Variants in CADM2 observed in about 807,000 individuals in gnomAD.
CADM2 encodes cell adhesion molecule 2.
CADM2 carries 12 observed loss-of-function variants against 49.8 expected under a neutral mutation model. The ratio of observed to expected loss-of-function variants is 0.24; its 90% confidence interval spans 0.15 to 0.39. CADM2 has a LOEUF of 0.39. Among genes scored for constraint, CADM2 ranks in the 10% least tolerant of loss-of-function variants. The pLI, the probability that CADM2 is intolerant of heterozygous loss-of-function variation, is 1.00. For synonymous variants in CADM2, 214 were observed against 175.4 expected (o/e 1.22, Z -1.74); for missense variants, 378 against 492.3 (o/e 0.77, Z 2.20).
rs957879658 is a variant in CADM2 at position 86,062,966 on chromosome 3, C to T, written c.971-2639C>T. ...TCATTTAGTTGTCTAGAACACAAATCACTTTGTTTAATCAACTGTAACAGA... is the reference window on the plus strand; with the variant it reads ...TCATTTAGTTGTCTAGAACACAAATTACTTTGTTTAATCAACTGTAACAGA... On this transcript the variant is annotated intron_variant, in intron 8 of 9. Transcript: ENST00000383699. Among the ~76,000 whole-genome samples, 4 of 152,010 alleles carry T rather than the reference C, an allele frequency of 2.6e-5. No homozygotes were observed. The East Asian group carries it at 7.7e-4, about 29-fold the overall frequency.
At chr3:85,798,776 T>C (rs910672391) in intron 2 of CADM2, among the ~76,000 whole-genome samples, 1 of 152,194 alleles carries the variant, frequency 6.6e-6, no homozygotes, top group African/African-American at 2.4e-5. Flanking sequence ...CCATATGAAA[T>C]TTAAAGTAGT....
chr3:85,244,910 AT>A (rs996429640), intron 1 of CADM2, among the ~76,000 whole-genome samples: 5 of 152,136 alleles, frequency 3.3e-5, no homozygotes, highest in African/African-American at 9.7e-5. Context: ...AAATTGTTTG[AT>A]TTTTTTCCAC....
intron 1 of CADM2, among the ~76,000 whole-genome samples, chr3:85,402,044 C>A (rs62250661): frequency 0.39 from 58,505 of 151,958 alleles, 13,565 homozygotes; most frequent in East Asian, 0.75. Context: ...TACTATAATT[C>A]ATAGAAATAC....
At chr3:85,943,419 G>T (rs976018066) in intron 7 of CADM2, among the ~76,000 whole-genome samples, 2 of 146,658 alleles carry the variant, frequency 1.4e-5, no homozygotes, top group Admixed American at 6.9e-5. Flanking sequence ...CCATGCCTAT[G>T]TCCTGAATGG....
chr3:84,964,618 C>G (rs1161934747), intron 1 of CADM2, among the ~76,000 whole-genome samples: 1 of 152,120 alleles, frequency 6.6e-6, no homozygotes, highest in Non-Finnish European at 1.5e-5. Flanking sequence ...GAGGCCGACT[C>G]AAAACTGAAG....
At chr3:85,555,071 A>G (rs200249938) in intron 1 of CADM2, among the ~76,000 whole-genome samples, 9 of 41,918 alleles carry the variant, frequency 2.1e-4, no homozygotes, top group African/African-American at 3.5e-4. Flanking sequence ...GTGATCTAGG[A>G]AAAAAAAATC....
At chr3:85,290,345 C>G (rs568586525) in intron 1 of CADM2, among the ~76,000 whole-genome samples, 1 of 152,140 alleles carries the variant, frequency 6.6e-6, no homozygotes, top group Non-Finnish European at 1.5e-5. Flanking sequence ...ACTGCAAGGC[C>G]GCAGCAAGGC....
At chr3:85,158,404 C>T (rs965570614) in intron 1 of CADM2, among the ~76,000 whole-genome samples, 10 of 152,120 alleles carry the variant, frequency 6.6e-5, no homozygotes, top group South Asian at 2.1e-4. Context: ...ATGTTTACTG[C>T]GGCAGTATTC....
intron 1 of CADM2, among the ~76,000 whole-genome samples, chr3:85,397,236 A>G (rs140277680): frequency 6.6e-6 from 1 of 152,322 alleles, no homozygotes; most frequent in African/African-American, 2.4e-5. Flanking sequence ...GAAGGCTATT[A>G]TATAAAAGGA....
chr3:85,716,646 C>A (rs750912230), intron 1 of CADM2, among the ~76,000 whole-genome samples: 2 of 152,276 alleles, frequency 1.3e-5, no homozygotes, highest in African/African-American at 2.4e-5. Flanking sequence ...ACATTTAAAT[C>A]TTTAATCCAT....
intron 1 of CADM2, among the ~76,000 whole-genome samples, chr3:85,468,169 A>C (rs2038598297): frequency 6.6e-6 from 1 of 151,252 alleles, no homozygotes; most frequent in Non-Finnish European, 1.5e-5. Flanking sequence ...AAAAAAAAAA[A>C]AAAAAAAAAA....
intron 1 of CADM2, among the ~76,000 whole-genome samples, chr3:85,651,143 G>C (rs1298636406): frequency 6.6e-6 from 1 of 151,944 alleles, no homozygotes; most frequent in African/African-American, 2.4e-5. Flanking sequence ...AACTGCCATA[G>C]CTTGAGTGTA....
chr3:85,095,325 A>G (rs2037753472), intron 1 of CADM2, among the ~76,000 whole-genome samples: 1 of 152,120 alleles, frequency 6.6e-6, no homozygotes, highest in African/African-American at 2.4e-5. Flanking sequence ...TCAAGTATGT[A>G]TCTCATGAGG....
chr3:85,655,459 C>T (rs897419234), intron 1 of CADM2, among the ~76,000 whole-genome samples: 6 of 151,980 alleles, frequency 3.9e-5, no homozygotes, highest in African/African-American at 1.4e-4. Flanking sequence ...ATGCCCAGCC[C>T]CGCTTGGTAA....
rs1739723949 is a variant in CADM2 at position 86,070,079 on chromosome 3, T to A, written c.*3296T>A. ...AGAAGCAGTTTAAGGAACCTGATAT[T>A]GGAGTTTAATCTAGAAACTGGATGA... On this transcript the variant is annotated 3_prime_UTR_variant, in exon 10 of 10. Transcript: ENST00000383699. The A allele has an allele frequency of 6.6e-6, 1 of 151,990 alleles. No homozygotes were observed. The allele number at this position is 151,990 out of a possible 1,614,324, so 9.4% of individuals were successfully genotyped here. A position where few individuals can be genotyped will look rare whatever the true frequency, so the allele number is the denominator to read the frequency against.
At chr3:86,013,871 T>G (rs1239356106) in intron 8 of CADM2, 3 of 1,594,896 alleles carry the variant, frequency 1.9e-6, no homozygotes, top group Non-Finnish European at 2.6e-6. Context: ...AAGTTGTTGC[T>G]TCTAGACTTT....
At chr3:86,017,854 CTTTTA>C (rs1412921738) in intron 8 of CADM2, among the ~76,000 whole-genome samples, 3 of 148,704 alleles carry the variant, frequency 2.0e-5, no homozygotes, top group Non-Finnish European at 3.0e-5. Context: ...TTTATAAAGT[CTTTTA>C]TTTATTTTAT....
intron 7 of CADM2, among the ~76,000 whole-genome samples, chr3:85,954,558 T>C (rs1439310780): frequency 6.6e-6 from 1 of 151,210 alleles, no homozygotes; most frequent in East Asian, 2.0e-4. Flanking sequence ...CAGCTTCTAA[T>C]ATTTCTCCTC....
intron 1 of CADM2, among the ~76,000 whole-genome samples, chr3:85,044,872 A>T (rs775415307): frequency 1.2e-4 from 18 of 151,654 alleles, no homozygotes; most frequent in Non-Finnish European, 2.7e-4. Flanking sequence ...ATTAGAAAAA[A>T]TAATCCCTCA....
Sources: gnomAD v4.1 joint callset for allele counts (sites outside exome capture counted in the v4.1 genomes callset) on GRCh38, gnomAD v4.1.1 for gene constraint, MANE v1.5 for transcripts, NCBI Gene and HGNC (gene_info 2026-07-23, HGNC 2026-07-21) for gene names.